The following SYT14 variants were observed in gnomAD, a reference collection of about 807,000 sequenced individuals.
SYT14 encodes synaptotagmin 14, also known as synaptotagmin-14.
Under a neutral mutation model 74.2 loss-of-function variants are expected in SYT14, and 32 were observed. The ratio of observed to expected loss-of-function variants is 0.43; its 90% confidence interval spans 0.33 to 0.58. SYT14 has a LOEUF of 0.58. Among genes scored for constraint, SYT14 ranks in the 20% least tolerant of loss-of-function variants. The pLI is 0.05. For missense variants in SYT14, 791 were observed against 981.8 expected (o/e 0.81, Z 2.60); for synonymous variants, 298 against 337.7 (o/e 0.88, Z 1.29).
In SYT14 at chr1:210,052,665, C is replaced by CAAAAAAAAAAAAAAAAAAAAAAAAA. The variant is rs561069342; in HGVS notation, c.1312+31430_1312+31431insAAAAAAAAAAAAAAAAAAAAAAAAA. On this transcript the variant is annotated intron_variant, in intron 5 of 9. Transcript: ENST00000637265. Reference sequence around the variant, plus strand: ...CAGCAAGAGCGAAACTACATCTCACCAAAAAAAAAAAAAAAAAAAGCTCTC... The same window carrying CAAAAAAAAAAAAAAAAAAAAAAAAA: ...CAGCAAGAGCGAAACTACATCTCACCAAAAAAAAAAAAAAAAAAAAAAAAAAAAAAAAAAAAAAAAAAAAGCTCTC... 3.6e-4 allele frequency among the ~76,000 whole-genome samples: 15 copies of CAAAAAAAAAAAAAAAAAAAAAAAAA among 42,252 alleles called. 1 individual carries two copies. Among genetic ancestry groups the CAAAAAAAAAAAAAAAAAAAAAAAAA allele is most frequent in the Non-Finnish European group, 5.5e-4 (13 of 23,622 alleles). The allele number at this position is 42,252 out of a possible 152,430, so 27.7% of individuals were successfully genotyped here.
chr1:210,168,085 TGG>T (rs2083474889), exon 10 of SYT14: 1 of 153,968 alleles, frequency 6.5e-6, no homozygotes, highest in South Asian at 2.0e-4. Flanking sequence ...GTGGTGGTGG[TGG>T]TGGTTGTGTA....
At chr1:210,063,803 AC>A (rs66734998) in intron 5 of SYT14, among the ~76,000 whole-genome samples, 24,787 of 151,736 alleles carry the variant, frequency 0.16, 6,432 homozygotes, top group African/African-American at 0.55. Context: ...TCCATGATTC[AC>A]ATTCTTCCAT....
At chr1:210,059,453 G>T (rs10863807) in intron 5 of SYT14, among the ~76,000 whole-genome samples, 8,062 of 65,232 alleles carry the variant, frequency 0.12, 206 homozygotes, top group East Asian at 0.22. Context: ...TATATATATA[G>T]AGAGAGAGAG....
chr1:210,119,293 A>T (rs1482067806), intron 7 of SYT14, among the ~76,000 whole-genome samples: 1 of 152,202 alleles, frequency 6.6e-6, no homozygotes, highest in African/African-American at 2.4e-5. Context: ...AATTTAAAGA[A>T]AACTGGGAAA....
intron 1 of SYT14, among the ~76,000 whole-genome samples, chr1:209,946,643 A>G (rs571058485): frequency 6.6e-6 from 1 of 152,340 alleles, no homozygotes; most frequent in African/African-American, 2.4e-5. Flanking sequence ...CCATAACATA[A>G]AAGTGTGAGG....
intron 1 of SYT14, among the ~76,000 whole-genome samples, chr1:209,939,430 A>C (rs2078693158): frequency 1.3e-5 from 2 of 152,350 alleles, no homozygotes; most frequent in East Asian, 1.9e-4. Context: ...TGTGGACTCC[A>C]AAGTAGAGTT....
At chr1:209,991,745 G>A (rs1051983893) in intron 2 of SYT14, among the ~76,000 whole-genome samples, 6 of 151,892 alleles carry the variant, frequency 4.0e-5, no homozygotes, top group East Asian at 3.9e-4. Flanking sequence ...CATGAGAATC[G>A]CTTGAACCTA....
chr1:209,948,128 T>G (rs1239920468), intron 1 of SYT14, among the ~76,000 whole-genome samples: 48 of 152,224 alleles, frequency 3.2e-4, no homozygotes, highest in Non-Finnish European at 1.5e-5. Context: ...GATATACACT[T>G]TATTGCAGTG....
intron 5 of SYT14, among the ~76,000 whole-genome samples, chr1:210,044,511 G>T (rs1459892656): frequency 6.6e-6 from 1 of 152,168 alleles, no homozygotes; most frequent in Non-Finnish European, 1.5e-5. Flanking sequence ...TAGGAATCTT[G>T]TTTCAGCATC....
At chr1:210,132,417 C>G (rs1481713002) in intron 7 of SYT14, among the ~76,000 whole-genome samples, 3 of 151,986 alleles carry the variant, frequency 2.0e-5, no homozygotes, top group Non-Finnish European at 4.4e-5. Context: ...ATTTTAAGCT[C>G]AGGGGTACAT....
chr1:209,997,768 G>T (rs2079824779), intron 2 of SYT14, among the ~76,000 whole-genome samples: 1 of 152,054 alleles, frequency 6.6e-6, no homozygotes, highest in Admixed American at 6.6e-5. Context: ...AAATAACCAT[G>T]TAACAGGCCT....
At chr1:210,095,152 T>C (rs1171900203) in intron 6 of SYT14, among the ~76,000 whole-genome samples, 1 of 152,208 alleles carries the variant, frequency 6.6e-6, no homozygotes, top group Non-Finnish European at 1.5e-5. Flanking sequence ...AAAAATAATT[T>C]TGTGGCAGTT....
intron 7 of SYT14, among the ~76,000 whole-genome samples, chr1:210,110,795 A>C (rs540355342): frequency 6.6e-6 from 1 of 152,264 alleles, no homozygotes; most frequent in South Asian, 2.1e-4. Context: ...CCCAGACTGG[A>C]GTGCAATGGC....
At chr1:210,134,663 C>T (rs1465687302) in intron 7 of SYT14, among the ~76,000 whole-genome samples, 1 of 152,058 alleles carries the variant, frequency 6.6e-6, no homozygotes, top group Non-Finnish European at 1.5e-5. Context: ...CTCCTTTCTG[C>T]CCCTACCCCT....
intron 2 of SYT14, among the ~76,000 whole-genome samples, chr1:210,009,391 T>A (rs1272000871): frequency 6.6e-6 from 1 of 152,198 alleles, no homozygotes; most frequent in Non-Finnish European, 1.5e-5. Context: ...GTTTTAAAAT[T>A]ATAAATAGAT....
intron 2 of SYT14, among the ~76,000 whole-genome samples, chr1:209,994,577 A>G (rs1008785272): frequency 7.2e-5 from 11 of 152,184 alleles, no homozygotes; most frequent in African/African-American, 2.2e-4. Flanking sequence ...TTGAGGATAT[A>G]ATCCATGAAA....
intron 7 of SYT14, among the ~76,000 whole-genome samples, chr1:210,153,030 A>C (rs1164684706): frequency 1.3e-5 from 2 of 152,148 alleles, no homozygotes; most frequent in South Asian, 4.1e-4. Context: ...CAAACTATCC[A>C]TTCTATTGCT....
chr1:209,939,219 T>C (rs1312605905), intron 1 of SYT14, among the ~76,000 whole-genome samples: 1 of 152,232 alleles, frequency 6.6e-6, no homozygotes, highest in African/African-American at 2.4e-5. Flanking sequence ...TCTCTTAGAT[T>C]AACTCAAACA....
At chr1:210,045,533 TTCCTA>T (rs1484387863) in intron 5 of SYT14, among the ~76,000 whole-genome samples, 1 of 152,196 alleles carries the variant, frequency 6.6e-6, no homozygotes, top group African/African-American at 2.4e-5. Context: ...GGAATATTCT[TTCCTA>T]TAAGATGAAG....
Sources: gnomAD v4.1 joint callset for allele counts (sites outside exome capture counted in the v4.1 genomes callset) on GRCh38, gnomAD v4.1.1 for gene constraint, MANE v1.5 for transcripts, NCBI Gene and HGNC (gene_info 2026-07-23, HGNC 2026-07-21) for gene names.